The following TMEM192 variants were observed in gnomAD, a reference collection of about 807,000 sequenced individuals.
TMEM192 encodes transmembrane protein 192.
TMEM192 carries 20 observed loss-of-function variants against 26.7 expected under a neutral mutation model. The ratio of observed to expected loss-of-function variants is 0.75; its 90% CI spans 0.53 to 1.09. The LOEUF (loss-of-function observed/expected upper bound fraction) is 1.09. TMEM192 is among the 50% of genes least tolerant of loss of function. TMEM192 has a pLI of 0.00. For missense variants in TMEM192, 304 were observed against 322.6 expected, an observed-to-expected ratio of 0.94 and a Z score of 0.44; for synonymous variants, 124 against 121.0, an observed-to-expected ratio of 1.02 and a Z score of -0.16.
Position 165,088,525 on chromosome 4 carries a change from G to C in TMEM192, c.517C>G (p.Leu173Val), listed in dbSNP as rs528271478. 1 of 1,613,732 alleles carries C rather than the reference G, an allele frequency of 6.2e-7. No individual in the cohort carries two copies. The highest frequency in any genetic ancestry group is 1.1e-5 in the South Asian group (1 of 90,914). Residue 173 changes from leucine to valine, a missense_variant, in exon 4 of 6, where the codon CTG (leucine) becomes GTG (valine). Leu to Val is a conservative substitution (Grantham distance 32). Transcript: ENST00000306480. ...EPGRLYLDLI[L>V]AILALELICS... ...ATGAGTTCCAGTGCCAAGATGGCCA[G>C]AATGAGGTCAAGATACAATCTGCCA...
chr4:165,103,426 C>A (rs1560935065), intron 1 of TMEM192, among the ~76,000 whole-genome samples: 1 of 151,752 alleles, frequency 6.6e-6, no homozygotes. Flanking sequence ...CTCACTGCAA[C>A]CTCTGCCTCC....
chr4:165,111,404 G>C (rs1375947115), intron 1 of TMEM192, among the ~76,000 whole-genome samples: 3 of 152,224 alleles, frequency 2.0e-5, no homozygotes, highest in Non-Finnish European at 4.4e-5. Flanking sequence ...CCAGGCTCCA[G>C]TGTTTGAGGA....
intron 5 of TMEM192, among the ~76,000 whole-genome samples, chr4:165,080,945 C>T (rs866441594): frequency 6.6e-6 from 1 of 152,108 alleles, no homozygotes; most frequent in Middle Eastern, 3.2e-3. Flanking sequence ...AAACTCCTGA[C>T]CTCAGGTGAT....
chr4:165,097,402 G>A (rs1489499610), intron 3 of TMEM192, among the ~76,000 whole-genome samples: 2 of 150,878 alleles, frequency 1.3e-5, no homozygotes, highest in South Asian at 2.1e-4. Context: ...GCTGAGGCAG[G>A]AGAATGGCCT....
chr4:165,096,049 G>A (rs1220619324), intron 3 of TMEM192, among the ~76,000 whole-genome samples: 2 of 150,576 alleles, frequency 1.3e-5, no homozygotes, highest in South Asian at 2.1e-4. Flanking sequence ...TGCCTGCCTC[G>A]ACCTCCCAAA....
intron 3 of TMEM192, among the ~76,000 whole-genome samples, chr4:165,095,287 TG>T (rs1245308051): frequency 1.3e-5 from 2 of 152,206 alleles, no homozygotes; most frequent in Non-Finnish European, 2.9e-5. Flanking sequence ...ACAAGAATTC[TG>T]ATTTTCAATT....
chr4:165,107,772 A>G (rs1323039178), intron 1 of TMEM192, among the ~76,000 whole-genome samples: 1 of 152,150 alleles, frequency 6.6e-6, no homozygotes, highest in African/African-American at 2.4e-5. Context: ...TGCTTGTCCC[A>G]GCAAAACCGC....
rs954787141 is a variant in TMEM192 at position 165,112,550 on chromosome 4, C to T, written c.27+197G>A. On this transcript the variant is annotated intron_variant, in intron 1 of 5. Coordinates refer to ENST00000306480, the MANE Select transcript of TMEM192 (RefSeq NM_001100389.2). ...ACTGGGAAAATTAGCCCGGAGCCAA[C>T]GTGTCGCGGATCCCACAGCCGCCTG... Among the ~76,000 whole-genome samples the T allele has an allele frequency of 3.3e-5, 5 of 152,306 alleles. No individual in the cohort carries two copies. In the East Asian group the frequency reaches 5.8e-4, roughly 18 times the overall value.
Position 165,100,665 on chromosome 4 carries a change from C to A in TMEM192, c.402G>T (p.Arg134Ser), listed in dbSNP as rs770095318. 1.5e-5 allele frequency: 24 copies of A among 1,614,016 alleles called. No individual in the cohort carries two copies. The highest frequency in any genetic ancestry group is 1.9e-5 in the Non-Finnish European group (22 of 1,180,042). Residue 134 changes from arginine to serine, a missense_variant, in exon 3 of 6, where the codon AGG becomes AGT. Arg to Ser is a moderately radical substitution (Grantham distance 110, BLOSUM62 -1). Transcript: ENST00000306480. ...TCATCAACGCAAGTCTCTTGAGATG[C>A]CTTGTTGATCGGTAGATCAAGTTAT... ...RGYNLIYRST[R>S]HLKRLALMIQ...
chr4:165,093,063 C>T (rs1450645171), intron 3 of TMEM192, among the ~76,000 whole-genome samples: 2 of 146,628 alleles, frequency 1.4e-5, no homozygotes, highest in South Asian at 2.1e-4. Context: ...GTTTTGTGAA[C>T]AAGATAAATA....
chr4:165,112,239 C>A (rs931840009), intron 1 of TMEM192, among the ~76,000 whole-genome samples: 1 of 152,170 alleles, frequency 6.6e-6, no homozygotes, highest in African/African-American at 2.4e-5. Context: ...GGGACGCTGG[C>A]GCCCGGCCCG....
rs1734285068 is a variant in TMEM192 at position 165,072,160 on chromosome 4, T to G, written c.*7498A>C. The G allele has an allele frequency of 6.6e-6, 1 of 150,904 alleles. No homozygotes were observed. The highest frequency in any genetic ancestry group is 6.6e-5 in the Admixed American group (1 of 15,058). 9.3% of individuals were successfully genotyped at this position (150,904 alleles called of 1,614,324 possible). The stretch of plus-strand genomic sequence containing the variant: ...ATTGCTTGAACCTGGGCAGCGGAGG[T>G]TGTAGTGAGCCGAGACTGCGCCACT... On this transcript the variant is annotated 3_prime_UTR_variant, in exon 6 of 6. Coordinates refer to ENST00000306480, the MANE Select transcript of TMEM192 (RefSeq NM_001100389.2).
intron 5 of TMEM192, among the ~76,000 whole-genome samples, chr4:165,081,470 G>A (rs1440730843): frequency 7.9e-5 from 10 of 126,462 alleles, no homozygotes; most frequent in Admixed American, 4.5e-4. Flanking sequence ...TGCAAACTCC[G>A]CCTCATGGGT....
At chr4:165,098,576 C>T (rs903998264) in intron 3 of TMEM192, among the ~76,000 whole-genome samples, 2 of 150,486 alleles carry the variant, frequency 1.3e-5, no homozygotes, top group Non-Finnish European at 3.0e-5. Context: ...CCTCCCAAAG[C>T]TCTGTGATTA....
chr4:165,074,119 C>CCCCT lies in TMEM192; in HGVS notation c.*5538_*5539insAGGG, dbSNP rs398083718. 6.6e-6 allele frequency: 1 copy of CCCCT among 151,010 alleles called. No individual in the cohort carries two copies. The highest frequency in any genetic ancestry group is 1.5e-5 in the Non-Finnish European group (1 of 67,512). 9.4% of individuals were successfully genotyped at this position (151,010 alleles called of 1,614,324 possible). ...CACAGGTGTGGAGGGGCAGACCCCC[C>CCCCT]CTCAATCAACTGAGCCAAGTGTTGC... On this transcript the variant is annotated 3_prime_UTR_variant, in exon 6 of 6. Transcript: ENST00000306480.
chr4:165,081,158 T>A (rs984992112), intron 5 of TMEM192, among the ~76,000 whole-genome samples: 2 of 152,032 alleles, frequency 1.3e-5, no homozygotes, highest in African/African-American at 4.8e-5. Context: ...TTACCTAAAC[T>A]CTCTGGTCTT....
At chr4:165,101,201 C>A (rs1735033130) in intron 2 of TMEM192, among the ~76,000 whole-genome samples, 1 of 151,732 alleles carries the variant, frequency 6.6e-6, no homozygotes, top group African/African-American at 2.4e-5. Flanking sequence ...TGATATCGAT[C>A]TCCTGACCTC....
At chr4:165,082,873 T>C (rs1337432678) in intron 5 of TMEM192, among the ~76,000 whole-genome samples, 1 of 37,934 alleles carries the variant, frequency 2.6e-5, no homozygotes, top group African/African-American at 4.7e-5. Context: ...GTAGCTGGGA[T>C]TACAGGTGCG....
intron 4 of TMEM192, among the ~76,000 whole-genome samples, chr4:165,085,905 CA>C (rs200539043): frequency 0.015 from 2,326 of 152,228 alleles, 30 homozygotes; most frequent in Non-Finnish European, 0.021. Flanking sequence ...ACACATGAGG[CA>C]CAGTTTAAAT....
Sources: allele counts gnomAD v4.1 joint callset (sites outside exome capture counted in the v4.1 genomes callset), GRCh38; gene constraint gnomAD v4.1.1; transcripts MANE v1.5; gene names NCBI Gene and HGNC (gene_info 2026-07-23, HGNC 2026-07-21).